Variants in MSR1 observed in about 807,000 individuals in gnomAD.
MSR1 encodes macrophage scavenger receptor types I and II.
Under a neutral mutation model 47.2 loss-of-function variants are expected in MSR1, and 53 were observed. That is an observed-to-expected ratio of 1.12 (90% CI 0.90 to 1.41). MSR1 has a LOEUF of 1.41. Ranked by LOEUF, MSR1 falls within the 40% of genes most tolerant of loss-of-function variation. MSR1 has a pLI of 0.00. For synonymous variants in MSR1, 239 were observed against 185.6 expected (o/e 1.29, Z -2.34); for missense variants, 786 against 546.9 (o/e 1.44, Z -4.36).
At chr8:16,139,023 C>A (rs189109528) in intron 8 of MSR1, among the ~76,000 whole-genome samples, 523 of 152,280 alleles carry the variant, frequency 3.4e-3, no homozygotes, top group African/African-American at 0.012. Flanking sequence ...TCTGTTGACA[C>A]CTTCTGCCCT....
chr8:16,125,237 GC>G (rs1159721115), intron 8 of MSR1, among the ~76,000 whole-genome samples: 1 of 152,090 alleles, frequency 6.6e-6, no homozygotes, highest in African/African-American at 2.4e-5. Context: ...AAATGTAATT[GC>G]CTTAAAAACT....
rs186908418 is a variant in MSR1, at chr8:16,172,366, G to C, written c.217+2821C>G. Among the ~76,000 whole-genome samples the C allele has an allele frequency of 2.0e-5, 3 of 152,238 alleles. No individual in the cohort carries two copies. In the East Asian group the frequency reaches 5.8e-4, roughly 29 times the overall value. On this transcript the variant is annotated intron_variant, in intron 3 of 9. Transcript: ENST00000262101. ...ATAGATCTAAAAACACAAATTGCCTGTTTCATCGAACCCTGAGTGAAAACT... is the reference window on the plus strand; with the variant it reads ...ATAGATCTAAAAACACAAATTGCCTCTTTCATCGAACCCTGAGTGAAAACT...
chr8:16,159,237 T>C (rs757061157), intron 5 of MSR1, among the ~76,000 whole-genome samples: 7 of 151,610 alleles, frequency 4.6e-5, no homozygotes, highest in African/African-American at 1.7e-4. Flanking sequence ...AGGAAGCCAA[T>C]ATATCTAAAA....
chr8:16,178,482 A>C (rs1364769571), intron 1 of MSR1, among the ~76,000 whole-genome samples: 2 of 152,174 alleles, frequency 1.3e-5, no homozygotes, highest in East Asian at 3.9e-4. Context: ...CATGTGCCAC[A>C]TTTTCTTAAT....
intron 9 of MSR1, 79 bp downstream of exon 9, chr8:16,120,339 T>G (rs1172951040): frequency 1.4e-6 from 2 of 1,481,418 alleles, no homozygotes; most frequent in African/African-American, 1.4e-5. Flanking sequence ...ATCGCGCCAC[T>G]GCACTCCAGT....
At chr8:16,155,003 G>A in intron 6 of MSR1, 61 bp downstream of exon 6, 1 of 1,377,684 alleles carries the variant, frequency 7.3e-7, no homozygotes, top group Non-Finnish European at 1.0e-6. Context: ...CCCTACACAT[G>A]TACCTGGATG....
At chr8:16,139,237 T>G in intron 8 of MSR1, 1 of 981,438 alleles carries the variant, frequency 1.0e-6, no homozygotes, top group Non-Finnish European at 1.2e-6. Flanking sequence ...ACTCCTATTC[T>G]GATTACAGAT....
chr8:16,130,128 G>C (rs1800222192), intron 8 of MSR1, among the ~76,000 whole-genome samples: 1 of 152,086 alleles, frequency 6.6e-6, no homozygotes, highest in South Asian at 2.1e-4. Flanking sequence ...GCTGGGATAG[G>C]GACTAAGCAG....
chr8:16,124,505 T>G (rs1358725335), intron 8 of MSR1, among the ~76,000 whole-genome samples: 2 of 152,158 alleles, frequency 1.3e-5, no homozygotes, highest in African/African-American at 4.8e-5. Context: ...CCACCTGCAC[T>G]GCTTTGTCTT....
At chr8:16,191,867 C>A (rs187761014) in intron 1 of MSR1, among the ~76,000 whole-genome samples, 8 of 152,288 alleles carry the variant, frequency 5.3e-5, no homozygotes, top group Admixed American at 5.2e-4. Flanking sequence ...TTTCTAGCAT[C>A]TCCATGAAGA....
rs796425270 is a variant in MSR1 at position 16,109,180 on chromosome 8, C to CGA, written c.*904_*905insTC. On this transcript the variant is annotated 3_prime_UTR_variant, in exon 10 of 10. Transcript: ENST00000262101. ...GACTAAAGACGCACCCCCCACCCCC[C>CGA]CCCCCGCCCTTTGGTTGTAAATGTT... 1 of 131,220 alleles carries CGA rather than the reference C, an allele frequency of 7.6e-6. No individual in the cohort carries two copies. The highest frequency in any genetic ancestry group is 3.1e-4 in the South Asian group (1 of 3,184). The allele number at this position is 131,220 out of a possible 1,614,324, so 8.1% of individuals were successfully genotyped here.
chr8:16,139,487 C>A, intron 8 of MSR1: 1 of 983,754 alleles, frequency 1.0e-6, no homozygotes, highest in Non-Finnish European at 1.2e-6. Flanking sequence ...CTACTAGAAT[C>A]TTAATAGTAT....
intron 8 of MSR1, among the ~76,000 whole-genome samples, chr8:16,137,108 G>C (rs1018573636): frequency 3.3e-5 from 5 of 152,014 alleles, no homozygotes; most frequent in Non-Finnish European, 2.9e-5. Flanking sequence ...AAAATGTTAA[G>C]GCTGAGCCCG....
At chr8:16,167,807 C>G (rs1801358231) in intron 4 of MSR1, among the ~76,000 whole-genome samples, 1 of 152,160 alleles carries the variant, frequency 6.6e-6, no homozygotes, top group African/African-American at 2.4e-5. Flanking sequence ...AAACTATGGA[C>G]AGTTTCTTCT....
intron 4 of MSR1, 146 bp from the exon 5 acceptor site, chr8:16,164,397 T>G (rs184802663): frequency 1.4e-5 from 9 of 665,044 alleles, no homozygotes; most frequent in African/African-American, 1.3e-4. Flanking sequence ...GAAAACTGTT[T>G]TGAAAGTAGT....
rs1825460 is a variant in MSR1, at chr8:16,156,927, C to T, written c.818-1783G>A. 4.2e-3 allele frequency among the ~76,000 whole-genome samples: 638 copies of T among 152,034 alleles called. 6 individuals carry two copies. Among genetic ancestry groups the T allele is most frequent in the Admixed American group, 6.8e-3 (104 of 15,214 alleles). ...CAAGAAAATGGAGTTATGGTAACTTCCATAACCATGAACGCAGCTGCATCC... is the reference window on the plus strand; with the variant it reads ...CAAGAAAATGGAGTTATGGTAACTTTCATAACCATGAACGCAGCTGCATCC... On this transcript the variant is annotated intron_variant, in intron 5 of 9. Transcript: ENST00000262101.
At chr8:16,175,348 T>C (rs1801615508) in intron 2 of MSR1, 48 bp from the exon 3 acceptor site, 2 of 1,432,366 alleles carry the variant, frequency 1.4e-6, no homozygotes, top group Non-Finnish European at 2.0e-6. Context: ...TGTTGTCTTC[T>C]TCCATAATTA....
rs764485699 is a variant in MSR1 at position 16,155,129 on chromosome 8, G to A, written c.833C>T (p.Pro278Leu). 6.8e-6 allele frequency: 11 copies of A among 1,610,980 alleles called. No homozygotes were observed. The highest frequency in any genetic ancestry group is 4.5e-5 in the East Asian group (2 of 44,796). ...ITLIQGPPGP[P>L]GEKGDRGPTG... ...GGGACCTCGATCTCCTTTTTCACCC[G>A]GGGGTCCAGGAGGACCTTTAAAAAA... Residue 278 changes from proline to leucine, a missense_variant, in exon 6 of 10, where the codon CCG becomes CTG. By Grantham distance (98) the Pro-to-Leu change is moderately conservative. Transcript: ENST00000262101.
intron 8 of MSR1, chr8:16,140,225 C>G (rs563619721): frequency 2.0e-6 from 2 of 984,724 alleles, no homozygotes; most frequent in African/African-American, 3.5e-5. Flanking sequence ...GTTCTAGACT[C>G]TAGGTGAATG....
Sources: allele counts gnomAD v4.1 joint callset (sites outside exome capture counted in the v4.1 genomes callset), GRCh38; gene constraint gnomAD v4.1.1; transcripts MANE v1.5; gene names NCBI Gene and HGNC (gene_info 2026-07-23, HGNC 2026-07-21).